The following KIAA1549L variants were observed in gnomAD, a reference collection of about 807,000 sequenced individuals.
KIAA1549L encodes UPF0606 protein KIAA1549L.
KIAA1549L carries 88 observed loss-of-function variants against 160.7 expected under a neutral mutation model. That is an observed-to-expected ratio of 0.55 (90% CI 0.46 to 0.65). The LOEUF (loss-of-function observed/expected upper bound fraction) is 0.65, where lower values mean the gene tolerates loss of function less well. KIAA1549L is among the 30% of genes least tolerant of loss of function. The probability of loss-of-function intolerance (pLI) is 0.00; values close to 1 mark genes in which losing one functional copy is unlikely to be tolerated. For synonymous variants in KIAA1549L, 950 were observed against 976.7 expected (o/e 0.97, Z 0.51); for missense variants, 2,258 against 2,437.5 (o/e 0.93, Z 1.55).
chr11:33,557,723 C>G (rs1854695621), intron 6 of KIAA1549L, among the ~76,000 whole-genome samples: 1 of 152,088 alleles, frequency 6.6e-6, no homozygotes, highest in Admixed American at 6.5e-5. Flanking sequence ...ACTGTTTCTA[C>G]AAAAATGAAA....
At chr11:33,383,711 T>C (rs1300119928) in intron 1 of KIAA1549L, among the ~76,000 whole-genome samples, 1 of 152,102 alleles carries the variant, frequency 6.6e-6, no homozygotes, top group African/African-American at 2.4e-5. Context: ...AGTACTTCCA[T>C]GAATTGGGTC....
At chr11:33,602,860 G>A (rs1267791109) in intron 13 of KIAA1549L, among the ~76,000 whole-genome samples, 1 of 152,160 alleles carries the variant, frequency 6.6e-6, no homozygotes, top group Non-Finnish European at 1.5e-5. Flanking sequence ...CTCTTCAAAA[G>A]CCTAGAGGAA....
intron 8 of KIAA1549L, among the ~76,000 whole-genome samples, chr11:33,563,427 A>G (rs1171695233): frequency 6.6e-6 from 1 of 151,294 alleles, no homozygotes; most frequent in African/African-American, 2.4e-5. Flanking sequence ...AATCCTGCAC[A>G]TCATGGAAGA....
At chr11:33,598,991 G>A (rs1261034294) in intron 13 of KIAA1549L, 44 bp downstream of exon 13, 12 of 1,607,002 alleles carry the variant, frequency 7.5e-6, no homozygotes, top group African/African-American at 4.0e-5. Flanking sequence ...CTGCTCCCAC[G>A]CGTGCCCGCA....
At chr11:33,544,704 A>G (rs1421367240) in intron 2 of KIAA1549L, 63 bp from the exon 3 acceptor site, 12 of 1,528,206 alleles carry the variant, frequency 7.9e-6, no homozygotes, top group South Asian at 1.3e-5. Flanking sequence ...TCCATTCATC[A>G]TCAGAACAAG....
At chr11:33,623,010 G>A (rs1188402481) in intron 16 of KIAA1549L, among the ~76,000 whole-genome samples, 2 of 152,218 alleles carry the variant, frequency 1.3e-5, no homozygotes, top group Non-Finnish European at 1.5e-5. Flanking sequence ...TGCACTTGCA[G>A]AACAATGAAA....
At chr11:33,502,093 T>G (rs1163895613) in intron 1 of KIAA1549L, among the ~76,000 whole-genome samples, 1 of 139,900 alleles carries the variant, frequency 7.1e-6, no homozygotes, top group Admixed American at 6.7e-5. Flanking sequence ...CATGCAGAAC[T>G]TTGCATTTTG....
At position 33,670,932 on chromosome 11, in the gene KIAA1549L, C is replaced by T. The variant is rs538137261; in HGVS notation, c.*2778C>T. ...TCACGAACCTGCTTGCTTTCCATCT[C>T]GCCATGTGGCCTGCAGGCTTGTCAG... On this transcript the variant is annotated 3_prime_UTR_variant, in exon 21 of 21. Coordinates refer to ENST00000658780, the MANE Select transcript of KIAA1549L (RefSeq NM_012194.3). 6.6e-6 allele frequency: 1 copy of T among 152,286 alleles called. No homozygotes were observed. Among genetic ancestry groups the T allele is most frequent in the East Asian group, 1.9e-4 (1 of 5,178 alleles). 9.4% of individuals were successfully genotyped at this position (152,286 alleles called of 1,614,324 possible).
intron 1 of KIAA1549L, among the ~76,000 whole-genome samples, chr11:33,511,652 C>T (rs1853229786): frequency 6.6e-6 from 1 of 152,154 alleles, no homozygotes; most frequent in African/African-American, 2.4e-5. Context: ...ACTATGAGGT[C>T]TAAGTCCCAA....
chr11:33,526,620 T>C (rs1853619138), intron 1 of KIAA1549L, among the ~76,000 whole-genome samples: 1 of 152,188 alleles, frequency 6.6e-6, no homozygotes, highest in South Asian at 2.1e-4. Flanking sequence ...CCTAGGGGAA[T>C]GGGGAGAGCA....
chr11:33,549,805 A>C (rs1384054189), intron 4 of KIAA1549L, among the ~76,000 whole-genome samples: 1 of 152,070 alleles, frequency 6.6e-6, no homozygotes, highest in African/African-American at 2.4e-5. Flanking sequence ...GCAGTTTGAG[A>C]CCAGCGTGGG....
Position 33,552,202 on chromosome 11 carries a change from G to A in KIAA1549L, c.3816G>A (p.Glu1272=), listed in dbSNP as rs1265245455. The change falls in exon 6 of 21, where the codon GAG becomes GAA. Residue 1272 remains glutamate (E), a synonymous_variant. Transcript: ENST00000658780. ...QRLQKAFQDA[E]RKVLNTKSNL... is the part of the protein sequence containing the mutation. ...TGCAGAAGGCATTCCAGGATGCCGA[G>A]AGGAAAGTCCTGAATACCAAAAGCA... The A allele has an allele frequency of 6.2e-7, 1 of 1,608,410 alleles. No individual in the cohort carries two copies. Among genetic ancestry groups the A allele is most frequent in the Middle Eastern group, 1.7e-4 (1 of 6,058 alleles).
chr11:33,464,048 T>A (rs574647397), intron 1 of KIAA1549L, among the ~76,000 whole-genome samples: 1 of 152,324 alleles, frequency 6.6e-6, no homozygotes, highest in Non-Finnish European at 1.5e-5. Context: ...CATTATCTCA[T>A]TTGATCCTAT....
At chr11:33,578,761 TC>T (rs750703296) in intron 10 of KIAA1549L, among the ~76,000 whole-genome samples, 6 of 152,184 alleles carry the variant, frequency 3.9e-5, no homozygotes, top group Non-Finnish European at 8.8e-5. Flanking sequence ...TCCTGCATGT[TC>T]CCTCTTCCTT....
chr11:33,582,952 T>C (rs1205572908), intron 10 of KIAA1549L, among the ~76,000 whole-genome samples: 2 of 152,190 alleles, frequency 1.3e-5, no homozygotes, highest in Admixed American at 6.5e-5. Context: ...CAGCACACAT[T>C]TCTAATCTGC....
chr11:33,413,256 AT>A lies in KIAA1549L; in HGVS notation c.238+36382del, dbSNP rs35296412. ...ACTTCCCAAACTTATTTGAACACAG[AT>A]TTTTTTTTTTTTTTAAATCAAGAAT... is the stretch of plus-strand genomic sequence containing the variant. On this transcript the variant is annotated intron_variant, in intron 1 of 20. Coordinates refer to ENST00000658780, the MANE Select transcript of KIAA1549L (RefSeq NM_012194.3). Among the ~76,000 whole-genome samples, 1,126 of 144,912 alleles carry A rather than the reference AT, an allele frequency of 7.8e-3. 4 individuals are homozygous for A. The highest frequency in any genetic ancestry group is 0.011 in the Non-Finnish European group (752 of 66,028).
chr11:33,504,431 T>TTTCCCTTCCCTTCCCTTCCC (rs562710568), intron 1 of KIAA1549L, among the ~76,000 whole-genome samples: 22 of 150,694 alleles, frequency 1.5e-4, no homozygotes, highest in African/African-American at 5.4e-4. Context: ...TCATTGCAGA[T>TTTCCCTTCCCTTCCCTTCCC]TTCCCTTCCC....
chr11:33,542,471 C>T lies in KIAA1549L; in HGVS notation c.908C>T (p.Ser303Phe). The T allele has an allele frequency of 6.2e-7, 1 of 1,612,528 alleles. No individual in the cohort carries two copies. The highest frequency in any genetic ancestry group is 8.5e-7 in the Non-Finnish European group (1 of 1,179,140). The part of the protein sequence containing the change: ...PFSDEMDHTA[S>F]QNAQDLIGIP... ...TCTGATGAAATGGACCACACTGCAT[C>T]CCAAAATGCCCAGGATCTCATAGGC... Residue 303 changes from serine (S) to phenylalanine (F), a missense_variant, in exon 2 of 21, where the codon TCC becomes TTC. By Grantham distance (155) the Ser-to-Phe change is radical. Coordinates refer to ENST00000658780, the MANE Select transcript of KIAA1549L (RefSeq NM_012194.3).
At chr11:33,659,741 A>G (rs1157180774) in intron 19 of KIAA1549L, among the ~76,000 whole-genome samples, 1 of 152,144 alleles carries the variant, frequency 6.6e-6, no homozygotes, top group Non-Finnish European at 1.5e-5. Flanking sequence ...TGGGAGGAAA[A>G]CACCTGACCA....
Sources: gnomAD v4.1 joint callset for allele counts (sites outside exome capture counted in the v4.1 genomes callset) on GRCh38, gnomAD v4.1.1 for gene constraint, MANE v1.5 for transcripts, NCBI Gene and HGNC (gene_info 2026-07-23, HGNC 2026-07-21) for gene names.